CDC42: variants seen among roughly 807,000 people sequenced by gnomAD.
CDC42 encodes cell division control protein 42 homolog.
A neutral mutation model predicts 20.8 loss-of-function variants in CDC42; 1 was observed. The observed-to-expected ratio is 0.05, with a 90% CI of 0.02 to 0.23. The LOEUF (loss-of-function observed/expected upper bound fraction) is 0.23. Among genes scored for constraint, CDC42 ranks in the 10% least tolerant of loss-of-function variants. The pLI, the probability that CDC42 is intolerant of heterozygous loss-of-function variation, is 1.00. For missense variants in CDC42, 49 were observed against 227.9 expected, an observed-to-expected ratio of 0.21 and a Z score of 5.05; for synonymous variants, 72 against 84.8, an observed-to-expected ratio of 0.85 and a Z score of 0.83.
chr1:22,058,444 CTCA>C (rs1318825670), intron 1 of CDC42, among the ~76,000 whole-genome samples: 4 of 151,864 alleles, frequency 2.6e-5, no homozygotes, highest in South Asian at 2.1e-4. Flanking sequence ...GTAGAATTGC[CTCA>C]TGTCTGCCCA....
intron 1 of CDC42, among the ~76,000 whole-genome samples, chr1:22,073,853 G>C (rs182625844): frequency 1.3e-5 from 2 of 151,158 alleles, no homozygotes; most frequent in Admixed American, 1.3e-4. Flanking sequence ...GTCTCACTCT[G>C]TTTCCCAGGC....
intron 5 of CDC42, among the ~76,000 whole-genome samples, chr1:22,087,890 G>A (rs529771519): frequency 1.3e-5 from 2 of 152,230 alleles, no homozygotes; most frequent in Middle Eastern, 6.8e-3. Flanking sequence ...AGTTTATAGG[G>A]CCTAGTGCAT....
Position 22,078,457 on chromosome 1 carries a change from T to C in CDC42, c.-22T>C, listed in dbSNP as rs1645574490. The C allele has an allele frequency of 6.5e-7, 1 of 1,540,512 alleles. No homozygotes were observed. The highest frequency in any genetic ancestry group is 8.9e-7 in the Non-Finnish European group (1 of 1,121,748). ...ATCATCAGATTTGAAATATTTAAAGTGGATACAAAACTATTTCAGCAATGC... is the reference window on the plus strand; with the variant it reads ...ATCATCAGATTTGAAATATTTAAAGCGGATACAAAACTATTTCAGCAATGC... On this transcript the variant is annotated 5_prime_UTR_variant, in exon 2 of 6. Transcript: ENST00000656825.
chr1:22,079,442 T>G (rs1320081109), intron 2 of CDC42, among the ~76,000 whole-genome samples: 1 of 152,062 alleles, frequency 6.6e-6, no homozygotes, highest in East Asian at 1.9e-4. Context: ...CCTGGCCCCA[T>G]AACTGTTTTT....
In CDC42 at chr1:22,095,887, T is replaced by C. The variant is rs1303799044; in HGVS notation, c.*4370T>C. Among the ~76,000 whole-genome samples the C allele has an allele frequency of 2.0e-5, 3 of 152,224 alleles. No homozygotes were observed. Among genetic ancestry groups the C allele is most frequent in the Non-Finnish European group, 4.4e-5 (3 of 68,042 alleles). On this transcript the variant is annotated 3_prime_UTR_variant, in exon 6 of 6. Coordinates refer to ENST00000656825, the MANE Select transcript of CDC42 (RefSeq NM_001791.4). ...CGCATTTACACTTTCTCGTATTCCA[T>C]TGCCCAGAGATGGCATATAGCCGAT... is the stretch of plus-strand genomic sequence containing the variant.
chr1:22,094,294 A>ATATTTTTTTTT lies in CDC42; in HGVS notation c.*2778_*2779insATTTTTTTTTT, dbSNP rs1645741155. ...GTTTTACTGAACATCCTAGAAATAGATTTTTTTTTTTTTTTTTTTTTGAGA... is the reference window on the plus strand; with the variant it reads ...GTTTTACTGAACATCCTAGAAATAGATATTTTTTTTTTTTTTTTTTTTTTTTTTTTTTGAGA... On this transcript the variant is annotated 3_prime_UTR_variant, in exon 6 of 6. Transcript: ENST00000656825. Among the ~76,000 whole-genome samples the ATATTTTTTTTT allele has an allele frequency of 2.6e-5, 1 of 38,294 alleles. No individual in the cohort carries two copies. Among genetic ancestry groups the ATATTTTTTTTT allele is most frequent in the African/African-American group, 1.2e-4 (1 of 8,190 alleles). The allele number at this position is 38,294 out of a possible 152,430, so 25.1% of individuals were successfully genotyped here. A position where few individuals can be genotyped will look rare whatever the true frequency, so the allele number is the denominator to read the frequency against.
intron 5 of CDC42, among the ~76,000 whole-genome samples, chr1:22,087,554 CA>C (rs1430715796): frequency 1.3e-5 from 2 of 152,102 alleles, no homozygotes; most frequent in Non-Finnish European, 2.9e-5. Context: ...TAAACTTTTT[CA>C]CCTTCATGAT....
rs538946166 is a variant in CDC42, at chr1:22,064,947, G to A, written c.-51+12205G>A. Among the ~76,000 whole-genome samples the A allele has an allele frequency of 3.9e-5, 6 of 152,140 alleles. No individual in the cohort carries two copies. In the East Asian group the frequency reaches 9.7e-4, roughly 25 times the overall value. Reference sequence around the variant, plus strand: ...ACCTCGGCATTCTGGGATTACAGGCGTGCATTCTGGGATTACAGGCGTGAG... The same window carrying A: ...ACCTCGGCATTCTGGGATTACAGGCATGCATTCTGGGATTACAGGCGTGAG... On this transcript the variant is annotated intron_variant, in intron 1 of 5. Transcript: ENST00000656825.
At chr1:22,071,572 A>G (rs535989840) in intron 1 of CDC42, among the ~76,000 whole-genome samples, 7 of 152,316 alleles carry the variant, frequency 4.6e-5, no homozygotes, top group African/African-American at 9.6e-5. Context: ...ATATGCTACT[A>G]TAACTTACAG....
intron 3 of CDC42, among the ~76,000 whole-genome samples, chr1:22,083,169 C>T (rs1245339982): frequency 6.6e-6 from 1 of 152,094 alleles, no homozygotes; most frequent in Non-Finnish European, 1.5e-5. Flanking sequence ...GTGTGAACCA[C>T]TGCGCCTGGC....
intron 5 of CDC42, among the ~76,000 whole-genome samples, chr1:22,087,323 A>G (rs770274919): frequency 3.9e-5 from 6 of 152,258 alleles, no homozygotes; most frequent in Non-Finnish European, 8.8e-5. Flanking sequence ...CTTTAATGTC[A>G]AAGAAGGCAG....
At chr1:22,071,795 G>A (rs1645495013) in intron 1 of CDC42, among the ~76,000 whole-genome samples, 2 of 152,140 alleles carry the variant, frequency 1.3e-5, no homozygotes, top group South Asian at 2.1e-4. Flanking sequence ...AGGGGCAAAC[G>A]TATTTCACAT....
In CDC42 at chr1:22,097,928, A is replaced by G. The variant is rs1387366970; in HGVS notation, c.*6411A>G. Reference sequence around the variant, plus strand: ...ATGCTCGATGGATTTTGGGTCCACCATGCATCTCTGAAGTAGAAGTGACAG... The same window carrying G: ...ATGCTCGATGGATTTTGGGTCCACCGTGCATCTCTGAAGTAGAAGTGACAG... On this transcript the variant is annotated 3_prime_UTR_variant, in exon 6 of 6. Transcript: ENST00000656825. Among the ~76,000 whole-genome samples the G allele has an allele frequency of 6.6e-6, 1 of 152,258 alleles. No individual in the cohort carries two copies. The highest frequency in any genetic ancestry group is 6.5e-5 in the Admixed American group (1 of 15,290).
At chr1:22,079,581 GT>G (rs969542088) in intron 2 of CDC42, among the ~76,000 whole-genome samples, 3 of 149,314 alleles carry the variant, frequency 2.0e-5, no homozygotes, top group African/African-American at 4.9e-5. Flanking sequence ...AATAAGGAAA[GT>G]TTTTTTTTTG....
In CDC42 at chr1:22,069,049, A is replaced by G. The variant is rs142761776; in HGVS notation, c.-50-9380A>G. The stretch of plus-strand genomic sequence containing the variant: ...GTGGGGTGTGCCTACGTATAGGACA[A>G]AGCTTGGCACGTGGTAGGTACTTAG... On this transcript the variant is annotated intron_variant, in intron 1 of 5. Transcript: ENST00000656825. 2.0e-4 allele frequency among the ~76,000 whole-genome samples: 30 copies of G among 152,284 alleles called. No homozygotes were observed. In the East Asian group the frequency reaches 5.0e-3, roughly 25 times the overall value.
intron 3 of CDC42, among the ~76,000 whole-genome samples, chr1:22,083,966 G>C (rs1329127837): frequency 6.6e-6 from 1 of 152,128 alleles, no homozygotes; most frequent in Non-Finnish European, 1.5e-5. Context: ...CATGTTGTGT[G>C]TATTGGTAGT....
chr1:22,081,196 G>A (rs577378821), intron 2 of CDC42, among the ~76,000 whole-genome samples: 19 of 152,188 alleles, frequency 1.2e-4, no homozygotes, highest in African/African-American at 4.3e-4. Context: ...CAAATAATCT[G>A]CCAGCTTTTT....
At chr1:22,056,658 C>T (rs1645307609) in intron 1 of CDC42, among the ~76,000 whole-genome samples, 1 of 152,198 alleles carries the variant, frequency 6.6e-6, no homozygotes, top group African/African-American at 2.4e-5. Context: ...ATTTTAAGTC[C>T]TGAATGTCAA....
chr1:22,082,950 G>T (rs1645624183), intron 3 of CDC42, among the ~76,000 whole-genome samples: 1 of 150,370 alleles, frequency 6.7e-6, no homozygotes, highest in Non-Finnish European at 1.5e-5. Flanking sequence ...TGCAATCTCG[G>T]CTCACCGCAA....
Sources: allele counts gnomAD v4.1 joint callset (sites outside exome capture counted in the v4.1 genomes callset), GRCh38; gene constraint gnomAD v4.1.1; transcripts MANE v1.5; gene names NCBI Gene and HGNC (gene_info 2026-07-23, HGNC 2026-07-21).